The following DEFB123 variants were observed in gnomAD, a reference collection of about 807,000 sequenced individuals.
The protein encoded by DEFB123 is beta-defensin 123.
For synonymous variants in DEFB123, 22 were observed against 28.3 expected (o/e 0.78, Z 0.71); for missense variants, 71 against 75.0 (o/e 0.95, Z 0.20).
chr20:31,447,176 C>T (rs1228489808), intron 1 of DEFB123, among the ~76,000 whole-genome samples: 2 of 150,758 alleles, frequency 1.3e-5, no homozygotes, highest in Middle Eastern at 3.5e-3. Flanking sequence ...ACAGGAGAAT[C>T]GCTTGAACCC....
At chr20:31,449,065 C>T (rs1018497681) in intron 1 of DEFB123, among the ~76,000 whole-genome samples, 1 of 151,986 alleles carries the variant, frequency 6.6e-6, no homozygotes, top group Non-Finnish European at 1.5e-5. Context: ...TCTCATCATG[C>T]TCATGGCTTC....
chr20:31,440,667 G>T lies in DEFB123; in HGVS notation c.-32G>T, dbSNP rs1409191685. On this transcript the variant is annotated 5_prime_UTR_variant, in exon 1 of 2. Transcript: ENST00000376309. ...TCCCATTAGCTCAGCCGTGGCATCG[G>T]ACTTGCAGCTTCATTTTGGGCTGCC... 2 of 1,613,274 alleles carry T rather than the reference G, an allele frequency of 1.2e-6. No individual in the cohort carries two copies. The highest frequency in any genetic ancestry group is 2.2e-5 in the East Asian group (1 of 44,878).
intron 1 of DEFB123, among the ~76,000 whole-genome samples, chr20:31,448,878 A>ATTTTTTTTTTTTTTTT: frequency 8.3e-6 from 1 of 119,980 alleles, no homozygotes; most frequent in Non-Finnish European, 1.7e-5. Flanking sequence ...CGCCCAGCTA[A>ATTTTTTTTTTTTTTTT]TTTTTTTTTT....
Position 31,440,709 on chromosome 20 carries a change from T to C in DEFB123, c.11T>C (p.Leu4Pro). Reference protein sequence around the residue: MKLLLLTLTVLLLL... With the variant: MKLPLLTLTVLLLL... ...TGGGCTGCCTTAGCCATGAAGCTCC[T>C]TTTGCTGACTTTGACTGTGCTGCTG... Residue 4 changes from leucine to proline, a missense_variant, in exon 1 of 2, where the codon CTT becomes CCT. Coordinates refer to ENST00000376309, the MANE Select transcript of DEFB123 (RefSeq NM_153324.4). The C allele has an allele frequency of 6.2e-7, 1 of 1,613,772 alleles. No individual in the cohort carries two copies. Among genetic ancestry groups the C allele is most frequent in the African/African-American group, 1.3e-5 (1 of 75,052 alleles).
At chr20:31,447,036 G>T (rs1006080303) in intron 1 of DEFB123, among the ~76,000 whole-genome samples, 3 of 151,782 alleles carry the variant, frequency 2.0e-5, no homozygotes, top group Non-Finnish European at 2.9e-5. Context: ...GCCGAGGCGG[G>T]TGGATCACCT....
rs2070333143 is a variant in DEFB123, at chr20:31,450,117, TA to T, written c.151del (p.Met51CysfsTer4). ...ERVYVYCINN[K>X]MCCVKPKYQP... Reference sequence around the variant, plus strand: ...GAGTCTATGTTTACTGCATAAATAATAAAATGTGCTGCGTGAAGCCCAAGTA... The same window carrying T: ...GAGTCTATGTTTACTGCATAAATAATAAATGTGCTGCGTGAAGCCCAAGTA... On this transcript the variant is annotated frameshift_variant, in exon 2 of 2. Transcript: ENST00000376309. LOFTEE classifies it high-confidence loss of function. 10 of 1,613,146 alleles carry T rather than the reference TA, an allele frequency of 6.2e-6. No individual in the cohort carries two copies. Among genetic ancestry groups the T allele is most frequent in the Non-Finnish European group, 7.6e-6 (9 of 1,179,612 alleles).
At chr20:31,441,140 G>A (rs1979453702) in intron 1 of DEFB123, among the ~76,000 whole-genome samples, 1 of 152,218 alleles carries the variant, frequency 6.6e-6, no homozygotes, top group Non-Finnish European at 1.5e-5. Context: ...AAGCTCATTT[G>A]TACTTAGCTG....
At chr20:31,447,848 G>A (rs1452607278) in intron 1 of DEFB123, among the ~76,000 whole-genome samples, 1 of 147,402 alleles carries the variant, frequency 6.8e-6, no homozygotes, top group African/African-American at 2.5e-5. Context: ...GTGCAGTGGC[G>A]CTATCTCGGC....
At chr20:31,443,458 A>G (rs1979514112) in intron 1 of DEFB123, among the ~76,000 whole-genome samples, 1 of 152,336 alleles carries the variant, frequency 6.6e-6, no homozygotes, top group African/African-American at 2.4e-5. Flanking sequence ...CATGCTAAAG[A>G]TAAGAATTTC....
intron 1 of DEFB123, among the ~76,000 whole-genome samples, chr20:31,442,026 A>G (rs534421941): frequency 6.6e-6 from 1 of 152,348 alleles, no homozygotes; most frequent in South Asian, 2.1e-4. Flanking sequence ...AAACTTTCCC[A>G]GGAACTTCCA....
intron 1 of DEFB123, among the ~76,000 whole-genome samples, chr20:31,442,651 A>G (rs1393527399): frequency 1.6e-5 from 2 of 121,582 alleles, no homozygotes; most frequent in African/African-American, 6.7e-5. Context: ...CCCAGGCTGG[A>G]GTGCTGGAGT....
chr20:31,442,784 T>C (rs1430702947), intron 1 of DEFB123, among the ~76,000 whole-genome samples: 4 of 152,024 alleles, frequency 2.6e-5, no homozygotes, highest in Non-Finnish European at 5.9e-5. Flanking sequence ...AATTTTTGTA[T>C]TTTTAGTAGG....
Position 31,440,719 on chromosome 20 carries a change from T to C in DEFB123, c.21T>C (p.Thr7=), listed in dbSNP as rs879186195. Residue 7 remains threonine (T), a synonymous_variant, in exon 1 of 2, where the codon ACT becomes ACC. Coordinates refer to ENST00000376309, the MANE Select transcript of DEFB123 (RefSeq NM_153324.4). MKLLLL[T]LTVLLLLSQL... is the part of the protein sequence containing the mutation. ...TAGCCATGAAGCTCCTTTTGCTGACTTTGACTGTGCTGCTGCTCTTATCCC... is the reference window on the plus strand; with the variant it reads ...TAGCCATGAAGCTCCTTTTGCTGACCTTGACTGTGCTGCTGCTCTTATCCC... 1.2e-6 allele frequency: 2 copies of C among 1,613,678 alleles called. No individual in the cohort carries two copies. The highest frequency in any genetic ancestry group is 2.2e-5 in the South Asian group (2 of 91,086).
chr20:31,444,852 TGTC>T (rs1177260812), intron 1 of DEFB123, among the ~76,000 whole-genome samples: 1 of 152,194 alleles, frequency 6.6e-6, no homozygotes, highest in Non-Finnish European at 1.5e-5. Context: ...CCATCACAAT[TGTC>T]TTCATCCCCC....
chr20:31,445,464 TTGA>T (rs1208258917), intron 1 of DEFB123, among the ~76,000 whole-genome samples: 3 of 152,222 alleles, frequency 2.0e-5, no homozygotes, highest in Non-Finnish European at 2.9e-5. Context: ...GAATACAGGC[TTGA>T]TGATTTTTCT....
intron 1 of DEFB123, among the ~76,000 whole-genome samples, chr20:31,445,683 G>A (rs765753443): frequency 1.3e-5 from 2 of 152,086 alleles, no homozygotes; most frequent in Non-Finnish European, 2.9e-5. Flanking sequence ...GGGATTACAG[G>A]TGCACGCCAC....
chr20:31,448,878 AT>A (rs34804733), intron 1 of DEFB123, among the ~76,000 whole-genome samples: 54,249 of 119,882 alleles, frequency 0.45, 9,852 homozygotes, highest in East Asian at 0.6. Context: ...CGCCCAGCTA[AT>A]TTTTTTTTTT....
intron 1 of DEFB123, among the ~76,000 whole-genome samples, chr20:31,448,328 C>T (rs544682394): frequency 1.3e-5 from 2 of 152,044 alleles, no homozygotes; most frequent in Non-Finnish European, 2.9e-5. Flanking sequence ...TGTGCCTTTG[C>T]ATGCTTCTCT....
At chr20:31,448,234 T>A (rs1260754891) in intron 1 of DEFB123, among the ~76,000 whole-genome samples, 2 of 152,138 alleles carry the variant, frequency 1.3e-5, no homozygotes, top group African/African-American at 4.8e-5. Flanking sequence ...ATTTTTACCT[T>A]TTCTCCTATG....
Sources: gnomAD v4.1 joint callset for allele counts (sites outside exome capture counted in the v4.1 genomes callset) on GRCh38, gnomAD v4.1.1 for gene constraint, MANE v1.5 for transcripts, NCBI Gene and HGNC (gene_info 2026-07-23, HGNC 2026-07-21) for gene names.